ANKRD17: variants seen among roughly 807,000 people sequenced by gnomAD.
ANKRD17 encodes the protein ankyrin repeat domain-containing protein 17.
Under a neutral mutation model 229.7 loss-of-function variants are expected in ANKRD17, and 19 were observed. That is an observed-to-expected ratio of 0.08 (90% confidence interval 0.06 to 0.12). The LOEUF (loss-of-function observed/expected upper bound fraction) is 0.12. Ranked by LOEUF, ANKRD17 falls within the 10% of genes least tolerant of loss-of-function variation. ANKRD17 has a pLI of 1.00. For synonymous variants in ANKRD17, 1,112 were observed against 1,146.1 expected, an observed-to-expected ratio of 0.97 and a Z score of 0.60; for missense variants, 2,176 against 3,176.8, an observed-to-expected ratio of 0.68 and a Z score of 7.57.
chr4:73,258,256 C>T lies in ANKRD17; in HGVS notation c.393+20G>A. On this transcript the variant is annotated intron_variant, in intron 1 of 33. Transcript: ENST00000358602. ...CTTACAGTCCCTTCCTCCCTCCTTC[C>T]TTTGAAACCAGGCCCTTGCCTCAGA... 6.2e-7 allele frequency: 1 copy of T among 1,613,672 alleles called. No individual in the cohort carries two copies. Among genetic ancestry groups the T allele is most frequent in the South Asian group, 1.1e-5 (1 of 91,088 alleles).
intron 1 of ANKRD17, among the ~76,000 whole-genome samples, chr4:73,215,228 G>C (rs1740852878): frequency 6.6e-6 from 1 of 151,616 alleles, no homozygotes. Flanking sequence ...CCCAGTTTTT[G>C]ACTTTTCTGA....
chr4:73,099,223 C>T, intron 25 of ANKRD17: 1 of 589,318 alleles, frequency 1.7e-6, no homozygotes, highest in Non-Finnish European at 3.2e-6. Flanking sequence ...CTCCCACCGC[C>T]CCCGCCCCTT....
intron 28 of ANKRD17, among the ~76,000 whole-genome samples, chr4:73,093,440 C>T (rs1404384063): frequency 1.5e-5 from 2 of 136,270 alleles, no homozygotes; most frequent in African/African-American, 2.8e-5. Context: ...TCCAATGGCT[C>T]GATCTCGGCT....
chr4:73,115,017 CA>C (rs1725771607), intron 23 of ANKRD17, among the ~76,000 whole-genome samples: 1 of 152,108 alleles, frequency 6.6e-6, no homozygotes, highest in South Asian at 2.1e-4. Context: ...GCATTTCCTG[CA>C]AAATTCCTAG....
intron 24 of ANKRD17, among the ~76,000 whole-genome samples, chr4:73,105,370 G>T (rs1048811905): frequency 2.0e-5 from 3 of 150,628 alleles, no homozygotes; most frequent in African/African-American, 7.3e-5. Flanking sequence ...AAAATATATA[G>T]ATATTATACA....
Position 73,091,770 on chromosome 4 carries a change from T to C in ANKRD17, c.5858A>G (p.Asn1953Ser), listed in dbSNP as rs1722820480. ...TGAATTCACCTGAGAACCACTGCTA[T>C]TCTGATTGCTATGGCGAGGCACCAT... ...PHMVPRHSNQ[N>S]SSGSQVNSAG... is the part of the protein sequence containing the mutation. The change falls in exon 29 of 34, where the codon AAT becomes AGT. Residue 1953 changes from asparagine (N) to serine (S), a missense_variant. This residue lies in a region of ANKRD17 where 424 missense variants were observed against 454.0 expected (regional missense o/e 0.93). Coordinates refer to ENST00000358602, the MANE Select transcript of ANKRD17 (RefSeq NM_032217.5). 1 of 1,614,186 alleles carries C rather than the reference T, an allele frequency of 6.2e-7. No homozygotes were observed. Among genetic ancestry groups the C allele is most frequent in the Non-Finnish European group, 8.5e-7 (1 of 1,180,038 alleles).
chr4:73,172,411 C>T (rs958706026), intron 2 of ANKRD17, among the ~76,000 whole-genome samples: 4 of 152,138 alleles, frequency 2.6e-5, no homozygotes, highest in Non-Finnish European at 4.4e-5. Context: ...CTACAAGAAA[C>T]ACTAAAGAGA....
At chr4:73,134,270 G>C (rs547237729) in intron 16 of ANKRD17, among the ~76,000 whole-genome samples, 1 of 152,046 alleles carries the variant, frequency 6.6e-6, no homozygotes, top group South Asian at 2.1e-4. Context: ...CGTTACCCCT[G>C]CTAAAATTCA....
At position 73,195,577 on chromosome 4, in the gene ANKRD17, C is replaced by T. The variant is rs542562637; in HGVS notation, c.394-18044G>A. Among the ~76,000 whole-genome samples the T allele has an allele frequency of 4.6e-5, 7 of 152,014 alleles. 1 individual carries two copies. In the South Asian group the frequency reaches 1.0e-3, roughly 23 times the overall value. On this transcript the variant is annotated intron_variant, in intron 1 of 33. Coordinates refer to ENST00000358602, the MANE Select transcript of ANKRD17 (RefSeq NM_032217.5). The stretch of plus-strand genomic sequence containing the variant: ...AGGCTGGCGTGCAGTGGTACAATCT[C>T]GGCTCACTGCAACCTCTGCCTCCCG...
chr4:73,076,245 T>G lies in ANKRD17; in HGVS notation c.7798A>C (p.Asn2600His), dbSNP rs781293634. ...GCTGATCCTCATCAGCCAAGCTGGT[T>G]CATATGCACACTGTTCATGTGAGGT... The part of the protein sequence containing the change: ...WAPHMNSVHM[N>H]QLG Residue 2600 changes from asparagine to histidine, a missense_variant, in exon 34 of 34, where the codon AAC becomes CAC. This residue lies in a region of ANKRD17 where 159 missense variants were observed against 214.3 expected (regional missense o/e 0.74). Coordinates refer to ENST00000358602, the MANE Select transcript of ANKRD17 (RefSeq NM_032217.5). The G allele has an allele frequency of 1.1e-5, 17 of 1,610,736 alleles. No individual in the cohort carries two copies. The highest frequency in any genetic ancestry group is 1.4e-5 in the Non-Finnish European group (17 of 1,178,530).
intron 2 of ANKRD17, among the ~76,000 whole-genome samples, chr4:73,172,591 C>G (rs535884279): frequency 6.6e-6 from 1 of 152,216 alleles, no homozygotes; most frequent in East Asian, 1.9e-4. Flanking sequence ...AAAATAATAA[C>G]TACAACAACT....
chr4:73,198,564 G>A (rs1470093426), intron 1 of ANKRD17, among the ~76,000 whole-genome samples: 1 of 151,840 alleles, frequency 6.6e-6, no homozygotes, highest in East Asian at 1.9e-4. Flanking sequence ...TGTAAAAGGA[G>A]AAAGAAAAAT....
chr4:73,105,211 G>C (rs1262596352), intron 24 of ANKRD17, among the ~76,000 whole-genome samples: 1 of 152,094 alleles, frequency 6.6e-6, no homozygotes, highest in Non-Finnish European at 1.5e-5. Context: ...GAATTAGCAA[G>C]TGTGGATCAA....
chr4:73,228,305 T>C (rs1578466995), intron 1 of ANKRD17, among the ~76,000 whole-genome samples: 1 of 152,290 alleles, frequency 6.6e-6, no homozygotes, highest in South Asian at 2.1e-4. Context: ...TTTTACCTTT[T>C]ATTTCTCCTA....
chr4:73,177,658 A>G, intron 1 of ANKRD17, 125 bp from the exon 2 acceptor site: 1 of 685,310 alleles, frequency 1.5e-6, no homozygotes, highest in Non-Finnish European at 2.4e-6. Context: ...AATGGTAAAC[A>G]CAGTGCAACC....
In ANKRD17 at chr4:73,091,293, G is replaced by T; in HGVS notation, c.6335C>A (p.Pro2112Gln). ...TCTTGGTTCCTGAGAAACAGATCCC[G>T]GAGGTTGTTGCTGATTAGAATGAGC... ...SSAHSNQQQP[P>Q]GSVSQEPRPP... The change falls in exon 29 of 34, where the codon CCG becomes CAG. Residue 2112 changes from proline (P) to glutamine (Q), a missense_variant. Physicochemically the swap from Pro to Gln is moderately conservative, Grantham distance 76 (BLOSUM62 -1). Coordinates refer to ENST00000358602, the MANE Select transcript of ANKRD17 (RefSeq NM_032217.5). The T allele has an allele frequency of 6.2e-7, 1 of 1,614,148 alleles. No individual in the cohort carries two copies. The highest frequency in any genetic ancestry group is 8.5e-7 in the Non-Finnish European group (1 of 1,180,014).
chr4:73,252,828 A>T (rs990981302), intron 1 of ANKRD17, among the ~76,000 whole-genome samples: 1 of 152,154 alleles, frequency 6.6e-6, no homozygotes, highest in Non-Finnish European at 1.5e-5. Flanking sequence ...GGTGGTGGGA[A>T]TATGGATTAT....
intron 2 of ANKRD17, among the ~76,000 whole-genome samples, chr4:73,164,566 G>A (rs1732978662): frequency 6.6e-6 from 1 of 152,102 alleles, no homozygotes; most frequent in Non-Finnish European, 1.5e-5. Context: ...CTTGGCGGGT[G>A]GATTTCCTGA....
intron 1 of ANKRD17, among the ~76,000 whole-genome samples, chr4:73,240,749 T>G (rs977974338): frequency 2.6e-5 from 4 of 151,968 alleles, no homozygotes; most frequent in Admixed American, 6.6e-5. Context: ...AACTGCTTAG[T>G]ACAAGTAGCC....
Sources: gnomAD v4.1 joint callset for allele counts (sites outside exome capture counted in the v4.1 genomes callset) on GRCh38, gnomAD v4.1.1 for gene constraint, gnomAD v4.1.1 regional missense constraint, MANE v1.5 for transcripts, NCBI Gene and HGNC (gene_info 2026-07-23, HGNC 2026-07-21) for gene names.